The following UBOX5 variants were observed in gnomAD, a reference collection of about 807,000 sequenced individuals.
UBOX5 encodes the protein RING finger protein 37.
UBOX5 carries 28 observed loss-of-function variants against 39.0 expected under a neutral mutation model. The ratio of observed to expected loss-of-function variants is 0.72; its 90% CI spans 0.53 to 0.98. The LOEUF is 0.98. Ranked by LOEUF, UBOX5 falls within the 50% of genes least tolerant of loss-of-function variation. UBOX5 has a pLI of 0.00. For synonymous variants in UBOX5, 283 were observed against 275.5 expected (o/e 1.03, Z -0.27); for missense variants, 585 against 674.4 (o/e 0.87, Z 1.47).
At chr20:3,114,192 AAGG>A in intron 4 of UBOX5, among the ~76,000 whole-genome samples, 1 of 152,138 alleles carries the variant, frequency 6.6e-6, no homozygotes, top group Non-Finnish European at 1.5e-5. Flanking sequence ...GATGAGTTCC[AAGG>A]AGAAGCAGGA....
chr20:3,109,965 G>A lies in UBOX5; in HGVS notation c.*141C>T, dbSNP rs2066240181. ...GCGCAGAAGCAATGTGCTATACCGT[G>A]AGGTGATGAAGAAGAGCCCCGGGAG... On this transcript the variant is annotated 3_prime_UTR_variant, in exon 5 of 5. Coordinates refer to ENST00000217173, the MANE Select transcript of UBOX5 (RefSeq NM_014948.4). 1.1e-6 allele frequency: 1 copy of A among 922,450 alleles called. No individual in the cohort carries two copies. Among genetic ancestry groups the A allele is most frequent in the South Asian group, 1.5e-5 (1 of 65,796 alleles). 57.1% of individuals were successfully genotyped at this position (922,450 alleles called of 1,614,324 possible).
intron 1 of UBOX5, among the ~76,000 whole-genome samples, chr20:3,154,358 G>A (rs1001691367): frequency 1.3e-5 from 2 of 152,298 alleles, no homozygotes; most frequent in Admixed American, 6.5e-5. Flanking sequence ...ATTAATGCCA[G>A]GGAAGACAAA....
chr20:3,155,159 T>G (rs2066671696), intron 1 of UBOX5, among the ~76,000 whole-genome samples: 1 of 151,830 alleles, frequency 6.6e-6, no homozygotes, highest in Non-Finnish European at 1.5e-5. Flanking sequence ...TTTGGGAAGC[T>G]GAGGTGGGCG....
chr20:3,111,674 C>T (rs2066254957), intron 4 of UBOX5: 1 of 152,542 alleles, frequency 6.6e-6, no homozygotes, highest in Non-Finnish European at 1.5e-5. Context: ...TGGCTTAGAC[C>T]ACACCCATTC....
intron 4 of UBOX5, among the ~76,000 whole-genome samples, chr20:3,114,191 C>A (rs1379994642): frequency 6.6e-6 from 1 of 151,996 alleles, no homozygotes; most frequent in Non-Finnish European, 1.5e-5. Flanking sequence ...GGATGAGTTC[C>A]AAGGAGAAGC....
At chr20:3,132,427 C>T (rs763550114) in intron 1 of UBOX5, among the ~76,000 whole-genome samples, 30 of 151,822 alleles carry the variant, frequency 2.0e-4, no homozygotes, top group African/African-American at 7.0e-4. Flanking sequence ...AGAAATGTAC[C>T]GCACTAAGAT....
chr20:3,157,782 T>C (rs2066701979), intron 1 of UBOX5, among the ~76,000 whole-genome samples: 2 of 152,230 alleles, frequency 1.3e-5, no homozygotes, highest in African/African-American at 2.4e-5. Context: ...ATGGTCCAAG[T>C]ACCTATAACT....
At chr20:3,155,399 C>CA (rs1179526710) in intron 1 of UBOX5, among the ~76,000 whole-genome samples, 3 of 152,086 alleles carry the variant, frequency 2.0e-5, no homozygotes, top group African/African-American at 7.2e-5. Flanking sequence ...GGCATGGTGG[C>CA]AGGCACCTGT....
chr20:3,154,390 T>C (rs529968601), intron 1 of UBOX5, among the ~76,000 whole-genome samples: 1 of 152,288 alleles, frequency 6.6e-6, no homozygotes, highest in African/African-American at 2.4e-5. Flanking sequence ...AGATAGAATA[T>C]GTTACCACAG....
At chr20:3,132,923 G>A (rs2066440567) in intron 1 of UBOX5, among the ~76,000 whole-genome samples, 1 of 151,040 alleles carries the variant, frequency 6.6e-6, no homozygotes, top group African/African-American at 2.4e-5. Context: ...GAAGTTCAAG[G>A]CTAGCCTGGG....
At chr20:3,145,253 G>A (rs1028918009) in intron 1 of UBOX5, among the ~76,000 whole-genome samples, 3 of 151,266 alleles carry the variant, frequency 2.0e-5, no homozygotes, top group Admixed American at 6.6e-5. Flanking sequence ...TCTAAACTAC[G>A]GTGATCCTCC....
At chr20:3,139,938 G>T (rs1455878333) in intron 1 of UBOX5, among the ~76,000 whole-genome samples, 1 of 151,342 alleles carries the variant, frequency 6.6e-6, no homozygotes. Context: ...TCGAACTCCT[G>T]ACCTTGTCAT....
intron 1 of UBOX5, among the ~76,000 whole-genome samples, chr20:3,153,247 T>G (rs2066649734): frequency 6.6e-6 from 1 of 152,254 alleles, no homozygotes; most frequent in Non-Finnish European, 1.5e-5. Context: ...ACATCAATGT[T>G]TGGTGCAGCT....
chr20:3,153,945 T>C lies in UBOX5; in HGVS notation c.-42+5821A>G, dbSNP rs535279256. Among the ~76,000 whole-genome samples the C allele has an allele frequency of 2.6e-5, 4 of 152,258 alleles. No homozygotes were observed. The South Asian group carries it at 8.3e-4, about 32-fold the overall frequency. On this transcript the variant is annotated intron_variant, in intron 1 of 4. Coordinates refer to ENST00000217173, the MANE Select transcript of UBOX5 (RefSeq NM_014948.4). ...TCAAAAAGTTTCAGATTTTGGAGCA[T>C]TTTGCATTTTGGAGTTTCAGGTTTG... is the stretch of plus-strand genomic sequence containing the variant.
At chr20:3,134,685 C>T (rs1454261441) in intron 1 of UBOX5, among the ~76,000 whole-genome samples, 4 of 151,760 alleles carry the variant, frequency 2.6e-5, no homozygotes, top group Non-Finnish European at 4.4e-5. Context: ...ATGGTGAAAC[C>T]CCATCTCCAC....
chr20:3,143,097 C>CT (rs35450698), intron 1 of UBOX5, among the ~76,000 whole-genome samples: 1,343 of 72,514 alleles, frequency 0.019, 147 homozygotes, highest in African/African-American at 0.053. Flanking sequence ...AATCATCTGT[C>CT]TTTTTTTTTT....
At chr20:3,151,093 G>A (rs2066619710) in intron 1 of UBOX5, among the ~76,000 whole-genome samples, 1 of 151,954 alleles carries the variant, frequency 6.6e-6, no homozygotes, top group Admixed American at 6.6e-5. Context: ...TGTGGAGATG[G>A]AGTCTCACAA....
rs183775879 is a variant in UBOX5, at chr20:3,137,136, G to A, written c.-41-13730C>T. Among the ~76,000 whole-genome samples the A allele has an allele frequency of 3.6e-4, 54 of 151,222 alleles. No homozygotes were observed. The Middle Eastern group carries it at 0.024, about 67-fold the overall frequency. ...ATTTTCGCATTTTCAGTAGAGACAG[G>A]GTTTCACCATGGTAGCCAGGATGGT... On this transcript the variant is annotated intron_variant, in intron 1 of 4. Transcript: ENST00000217173.
chr20:3,145,492 C>T (rs864141), intron 1 of UBOX5, among the ~76,000 whole-genome samples: 113,201 of 149,046 alleles, frequency 0.76, 44,229 homozygotes, highest in East Asian at 0.99. Flanking sequence ...CAGGCTAAAG[C>T]ACAGTGGTGT....
Sources: allele counts gnomAD v4.1 joint callset (sites outside exome capture counted in the v4.1 genomes callset), GRCh38; gene constraint gnomAD v4.1.1; transcripts MANE v1.5; gene names NCBI Gene and HGNC (gene_info 2026-07-23, HGNC 2026-07-21).